YWHAZ: variants seen among roughly 807,000 people sequenced by gnomAD.
YWHAZ encodes 14-3-3 protein zeta/delta.
For missense variants in YWHAZ, 79 were observed against 284.8 expected (o/e 0.28, Z 5.20); for synonymous variants, 87 against 103.6 (o/e 0.84, Z 0.97).
intron 2 of YWHAZ, among the ~76,000 whole-genome samples, chr8:100,929,537 C>T (rs1225524060): frequency 6.6e-6 from 1 of 152,186 alleles, no homozygotes; most frequent in Non-Finnish European, 1.5e-5. Context: ...AGGAGCACTG[C>T]AATTCTTCTA....
intron 2 of YWHAZ, among the ~76,000 whole-genome samples, chr8:100,937,523 A>T (rs371492870): frequency 1.6e-4 from 24 of 152,344 alleles, no homozygotes; most frequent in African/African-American, 5.3e-4. Context: ...ATCAAAGCAA[A>T]ACAATCAACC....
At chr8:100,940,882 G>GTA (rs1342212508) in intron 2 of YWHAZ, among the ~76,000 whole-genome samples, 4 of 152,322 alleles carry the variant, frequency 2.6e-5, no homozygotes, top group African/African-American at 9.6e-5. Flanking sequence ...AAGTAAGGTA[G>GTA]TATACACTTT....
At chr8:100,950,467 A>G (rs1264823244) in intron 1 of YWHAZ, 21 of 985,302 alleles carry the variant, frequency 2.1e-5, no homozygotes, top group Non-Finnish European at 2.5e-5. Flanking sequence ...TAAAGTGCAA[A>G]TTCTCCGGTC....
intron 2 of YWHAZ, among the ~76,000 whole-genome samples, chr8:100,937,022 T>TA (rs1176605672): frequency 1.3e-5 from 2 of 152,192 alleles, no homozygotes; most frequent in African/African-American, 4.8e-5. Flanking sequence ...GAAATTACAG[T>TA]AAAACAATTT....
Position 100,948,190 on chromosome 8 carries a change from T to C in YWHAZ, c.294+406A>G. On this transcript the variant is annotated intron_variant, in intron 2 of 5. Transcript: ENST00000395958. The surrounding 1 kb of genome is among the most constrained non-coding windows in gnomAD (Gnocchi z 4.2). ...CTAATCCTGAGAAGAGTACTATTTC[T>C]ACAATGAGTATCCTATTACATCTCT... is the stretch of plus-strand genomic sequence containing the variant. 2 of 1,461,494 alleles carry C rather than the reference T, an allele frequency of 1.4e-6. No homozygotes were observed. Among genetic ancestry groups the C allele is most frequent in the South Asian group, 1.3e-5 (1 of 79,268 alleles). 90.5% of individuals were successfully genotyped at this position (1,461,494 alleles called of 1,614,324 possible).
intron 2 of YWHAZ, among the ~76,000 whole-genome samples, chr8:100,933,245 G>A (rs970555994): frequency 6.6e-6 from 1 of 151,966 alleles, no homozygotes; most frequent in Admixed American, 6.6e-5. Flanking sequence ...TATAATCCCA[G>A]CTACTCGGGA....
chr8:100,951,120 C>A, intron 1 of YWHAZ: 4 of 910,726 alleles, frequency 4.4e-6, no homozygotes, highest in Non-Finnish European at 5.2e-6. Context: ...TCAAGTCCTT[C>A]CTCCCACCGC....
At chr8:100,951,146 C>T in intron 1 of YWHAZ, 1 of 982,638 alleles carries the variant, frequency 1.0e-6, no homozygotes, top group South Asian at 4.7e-5. Flanking sequence ...CCAGGAAATT[C>T]AGCTCTAGGT....
intron 1 of YWHAZ, 81 bp downstream of exon 1, chr8:100,951,848 A>T (rs1054743578): frequency 1.0e-6 from 1 of 986,494 alleles, no homozygotes; most frequent in East Asian, 1.1e-4. Context: ...GGATGAGGGG[A>T]CGGAGCGAGG....
At chr8:100,930,974 G>A (rs1813719229) in intron 2 of YWHAZ, among the ~76,000 whole-genome samples, 1 of 152,136 alleles carries the variant, frequency 6.6e-6, no homozygotes, top group East Asian at 1.9e-4. Context: ...CTAATCCAGA[G>A]TTAAATATGT....
At chr8:100,947,263 A>AC (rs1810367396) in intron 2 of YWHAZ, among the ~76,000 whole-genome samples, 1 of 151,892 alleles carries the variant, frequency 6.6e-6, no homozygotes, top group African/African-American at 2.4e-5. Flanking sequence ...CAAAAAAAAA[A>AC]AAAAACAAAA....
At chr8:100,933,135 T>C (rs527748183) in intron 2 of YWHAZ, among the ~76,000 whole-genome samples, 31 of 152,144 alleles carry the variant, frequency 2.0e-4, no homozygotes, top group African/African-American at 5.8e-4. Flanking sequence ...CCGAGGTGGG[T>C]GGATCATGAG....
At chr8:100,941,825 AC>A (rs34722786) in intron 2 of YWHAZ, among the ~76,000 whole-genome samples, 2,943 of 50,128 alleles carry the variant, frequency 0.059, 41 homozygotes, top group South Asian at 0.16. Context: ...AAAAAAAAAA[AC>A]ATCTCTAACT....
At chr8:100,940,718 T>C (rs73697342) in intron 2 of YWHAZ, among the ~76,000 whole-genome samples, 11,817 of 152,264 alleles carry the variant, frequency 0.078, 605 homozygotes, top group African/African-American at 0.14. Context: ...AACAATTTCC[T>C]CAAAACATCC....
chr8:100,924,796 C>A lies in YWHAZ; in HGVS notation c.418+120G>T. ...GTGTATTCTCAGAACACAAAGAGCA[C>A]TGCTACTCCTTATTCGGCACTCTAA... On this transcript the variant is annotated intron_variant, in intron 3 of 5. Transcript: ENST00000395958. The surrounding 1 kb of genome is among the most constrained non-coding windows in gnomAD (Gnocchi z 5.7). The A allele has an allele frequency of 1.6e-6, 2 of 1,284,616 alleles. No individual in the cohort carries two copies. The highest frequency in any genetic ancestry group is 2.2e-6 in the Non-Finnish European group (2 of 924,268). The allele number at this position is 1,284,616 out of a possible 1,614,324, so 79.6% of individuals were successfully genotyped here.
At position 100,948,274 on chromosome 8, in the gene YWHAZ, A is replaced by G. The variant is rs1297140495; in HGVS notation, c.294+322T>C. 1.3e-6 allele frequency: 1 copy of G among 745,682 alleles called. No homozygotes were observed. Among genetic ancestry groups the G allele is most frequent in the Non-Finnish European group, 2.1e-6 (1 of 484,952 alleles). The allele number at this position is 745,682 out of a possible 1,614,324, so 46.2% of individuals were successfully genotyped here. ...AGATGTACATTTAAGATAACCAGCT[A>G]TAGAGCTACTACAAATATTCTAACC... is the stretch of plus-strand genomic sequence containing the variant. On this transcript the variant is annotated intron_variant, in intron 2 of 5. Coordinates refer to ENST00000395958, the MANE Select transcript of YWHAZ (RefSeq NM_145690.3). This position sits in a 1 kb window ranked among gnomAD's most constrained non-coding sequence, Gnocchi z 4.2.
upstream of YWHAZ, chr8:100,952,740 G>C (rs1361486125): frequency 2.1e-6 from 2 of 969,546 alleles, no homozygotes; most frequent in Non-Finnish European, 2.5e-6. Flanking sequence ...GGCAAGGGAG[G>C]GTTGTGTGTG....
chr8:100,923,708 A>T (rs533064946), intron 5 of YWHAZ: 2 of 333,266 alleles, frequency 6.0e-6, no homozygotes, highest in Admixed American at 4.4e-5. Flanking sequence ...CACTTTTGAT[A>T]CTAACAAATT....
chr8:100,952,665 C>G (rs1426661167), upstream of YWHAZ: 1 of 514,194 alleles, frequency 1.9e-6, no homozygotes, highest in African/African-American at 2.1e-5. Flanking sequence ...GGCTCGGCGG[C>G]TCCGGCATTG....
Sources: allele counts gnomAD v4.1 joint callset (sites outside exome capture counted in the v4.1 genomes callset), GRCh38; gene constraint gnomAD v4.1.1; non-coding constraint Gnocchi (gnomAD v3.1); transcripts MANE v1.5; gene names NCBI Gene and HGNC (gene_info 2026-07-23, HGNC 2026-07-21).